PCDH15: variants seen among roughly 807,000 people sequenced by gnomAD.
The protein encoded by PCDH15 is protocadherin related 15.
In PCDH15, 129 loss-of-function variants were observed where a neutral mutation model predicts 178.5. The ratio of observed to expected loss-of-function variants is 0.72; its 90% CI spans 0.63 to 0.84. The LOEUF is 0.84. Ranked by LOEUF, PCDH15 falls within the 40% of genes least tolerant of loss-of-function variation. PCDH15 has a pLI of 0.00. For missense variants in PCDH15, 2,230 were observed against 2,099.9 expected, an observed-to-expected ratio of 1.06 and a Z score of -1.21; for synonymous variants, 800 against 732.0, an observed-to-expected ratio of 1.09 and a Z score of -1.50.
chr10:53,895,804 T>C (rs1479835034), intron 26 of PCDH15, among the ~76,000 whole-genome samples: 1 of 152,180 alleles, frequency 6.6e-6, no homozygotes, highest in Non-Finnish European at 1.5e-5. Context: ...TGAAAAGAAA[T>C]CGGTTGCCTT....
At chr10:55,043,450 T>C (rs1429161167) in intron 2 of PCDH15, among the ~76,000 whole-genome samples, 3 of 152,076 alleles carry the variant, frequency 2.0e-5, no homozygotes, top group Admixed American at 6.6e-5. Context: ...CAGTGACACC[T>C]GTAATCTCAG....
At chr10:55,455,003 T>C (rs541020635) in intron 2 of PCDH15, among the ~76,000 whole-genome samples, 2 of 152,164 alleles carry the variant, frequency 1.3e-5, no homozygotes, top group African/African-American at 2.4e-5. Flanking sequence ...CATATCTTCA[T>C]CTTATGCTTT....
intron 15 of PCDH15, among the ~76,000 whole-genome samples, chr10:54,105,297 TATATATATATATATATATATAC>T (rs1441098853): frequency 2.4e-4 from 23 of 97,578 alleles, no homozygotes; most frequent in African/African-American, 1.0e-3. Context: ...TATATATATA[TATATATATATATATATATATAC>T]ACACACACAT....
Position 54,810,529 on chromosome 10 carries a change from G to A in PCDH15, c.-29+86921C>T, listed in dbSNP as rs929485563. Among the ~76,000 whole-genome samples the A allele has an allele frequency of 2.6e-5, 4 of 151,864 alleles. No individual in the cohort carries two copies. In the East Asian group the frequency reaches 7.7e-4, roughly 29 times the overall value. ...ATTGGGAAAAAAACACAGATTTCATGATTCATATAATAAAATATGTCACAA... is the reference window on the plus strand; with the variant it reads ...ATTGGGAAAAAAACACAGATTTCATAATTCATATAATAAAATATGTCACAA... On this transcript the variant is annotated intron_variant, in intron 3 of 5. Coordinates refer to the PCDH15 transcript ENST00000458638.
intron 3 of PCDH15, among the ~76,000 whole-genome samples, chr10:54,503,233 G>A (rs987148749): frequency 6.8e-5 from 7 of 102,800 alleles, no homozygotes; most frequent in East Asian, 2.8e-4. Flanking sequence ...ATATGTGTGT[G>A]TGTGTGTGTG....
At chr10:54,966,562 G>A (rs1188402461) in intron 2 of PCDH15, among the ~76,000 whole-genome samples, 1 of 152,026 alleles carries the variant, frequency 6.6e-6, no homozygotes, top group Admixed American at 6.6e-5. Flanking sequence ...TAATGGTTTG[G>A]CTGTGTACCC....
chr10:54,471,802 CTTAATT>C (rs1037781633), intron 3 of PCDH15, among the ~76,000 whole-genome samples: 7 of 151,852 alleles, frequency 4.6e-5, no homozygotes, highest in African/African-American at 1.7e-4. Flanking sequence ...CTTTAAAATA[CTTAATT>C]TTATAAGTTA....
chr10:54,059,717 T>C (rs1390977165), intron 18 of PCDH15, among the ~76,000 whole-genome samples: 3 of 152,216 alleles, frequency 2.0e-5, no homozygotes, highest in Non-Finnish European at 4.4e-5. Context: ...AACAACACTT[T>C]GATAGCCACC....
At chr10:53,991,809 A>G (rs993669320) in intron 21 of PCDH15, among the ~76,000 whole-genome samples, 1 of 152,134 alleles carries the variant, frequency 6.6e-6, no homozygotes, top group African/African-American at 2.4e-5. Context: ...TTATAAATGC[A>G]CCAATCAGCA....
At chr10:55,593,005 T>C (rs1842872750) in intron 2 of PCDH15, among the ~76,000 whole-genome samples, 1 of 152,046 alleles carries the variant, frequency 6.6e-6, no homozygotes, top group Non-Finnish European at 1.5e-5. Context: ...ATCTTCTATG[T>C]GTGGTTAGAT....
chr10:54,145,646 T>G (rs4998401), intron 14 of PCDH15, among the ~76,000 whole-genome samples: 1 of 151,810 alleles, frequency 6.6e-6, no homozygotes, highest in Admixed American at 6.6e-5. Context: ...AGAACATTAA[T>G]AGACAGAGGA....
chr10:54,752,348 G>A (rs1254536586), intron 1 of PCDH15, among the ~76,000 whole-genome samples: 1 of 151,244 alleles, frequency 6.6e-6, no homozygotes, highest in East Asian at 1.9e-4. Context: ...GTGGTGGCGG[G>A]CGCCTGTAGT....
At chr10:53,881,139 A>T (rs1353846998) in intron 26 of PCDH15, among the ~76,000 whole-genome samples, 2 of 152,240 alleles carry the variant, frequency 1.3e-5, no homozygotes, top group African/African-American at 4.8e-5. Context: ...CTCCAACACC[A>T]GTAAAATTTC....
At chr10:54,716,957 A>G (rs1458149694) in intron 1 of PCDH15, among the ~76,000 whole-genome samples, 1 of 148,412 alleles carries the variant, frequency 6.7e-6, no homozygotes, top group Non-Finnish European at 1.5e-5. Flanking sequence ...ATAAGGCCGC[A>G]TATCTACAAC....
chr10:54,105,921 A>C (rs1195377369), intron 15 of PCDH15, among the ~76,000 whole-genome samples: 1 of 152,106 alleles, frequency 6.6e-6, no homozygotes, highest in Non-Finnish European at 1.5e-5. Flanking sequence ...TATAAAGTGT[A>C]GTATATGCAG....
At chr10:54,572,057 C>A (rs2089917210) in intron 2 of PCDH15, among the ~76,000 whole-genome samples, 1 of 152,096 alleles carries the variant, frequency 6.6e-6, no homozygotes, top group Non-Finnish European at 1.5e-5. Flanking sequence ...TCATCAATAA[C>A]TGGGCATAAT....
intron 1 of PCDH15, among the ~76,000 whole-genome samples, chr10:55,228,483 T>A (rs1292380541): frequency 2.0e-5 from 3 of 152,016 alleles, no homozygotes; most frequent in Non-Finnish European, 4.4e-5. Flanking sequence ...TTGAAAAAAA[T>A]TAAACGAAAT....
upstream of PCDH15, among the ~76,000 whole-genome samples, chr10:55,322,037 A>G (rs1363731601): frequency 6.6e-6 from 1 of 152,200 alleles, no homozygotes; most frequent in African/African-American, 2.4e-5. Flanking sequence ...CTGAGTCCCC[A>G]CCCAAGTCTC....
chr10:54,790,877 A>C (rs779973774), intron 1 of PCDH15, among the ~76,000 whole-genome samples: 17 of 152,058 alleles, frequency 1.1e-4, no homozygotes, highest in Non-Finnish European at 2.2e-4. Flanking sequence ...TAGCTAAATA[A>C]AACTGCTTTA....
Sources: gnomAD v4.1 joint callset for allele counts (sites outside exome capture counted in the v4.1 genomes callset) on GRCh38, gnomAD v4.1.1 for gene constraint, MANE v1.5 for transcripts, NCBI Gene and HGNC (gene_info 2026-07-23, HGNC 2026-07-21) for gene names.